The following RTN4R variants were observed in gnomAD, a reference collection of about 807,000 sequenced individuals.
RTN4R encodes the protein reticulon-4 receptor.
RTN4R carries 4 observed loss-of-function variants against 27.7 expected under a neutral mutation model. The observed-to-expected ratio is 0.14, with a 90% CI of 0.07 to 0.33. The LOEUF (loss-of-function observed/expected upper bound fraction) is 0.33. RTN4R is among the 10% of genes least tolerant of loss of function. The probability of loss-of-function intolerance (pLI) is 1.00; values close to 1 mark genes in which losing one functional copy is unlikely to be tolerated. For missense variants in RTN4R, 554 were observed against 671.5 expected, an observed-to-expected ratio of 0.83 and a Z score of 1.93; for synonymous variants, 290 against 305.6, an observed-to-expected ratio of 0.95 and a Z score of 0.53.
In RTN4R at chr22:20,241,518, G is replaced by A. The variant is rs1371536824; in HGVS notation, c.*193C>T. The stretch of plus-strand genomic sequence containing the variant: ...GATCTGGGTGGGAGGCGGCGTTCTG[G>A]AACAAACGCTGCCGCCGAACCCTGT... On this transcript the variant is annotated 3_prime_UTR_variant, in exon 2 of 2. Transcript: ENST00000043402. 1.6e-6 allele frequency: 1 copy of A among 619,354 alleles called. No individual in the cohort carries two copies. The highest frequency in any genetic ancestry group is 2.8e-6 in the Non-Finnish European group (1 of 352,868). 38.4% of individuals were successfully genotyped at this position (619,354 alleles called of 1,614,324 possible).
intron 1 of RTN4R, among the ~76,000 whole-genome samples, chr22:20,254,263 T>C (rs1353174722): frequency 1.3e-5 from 2 of 151,644 alleles, no homozygotes; most frequent in African/African-American, 2.4e-5. Flanking sequence ...ACCCTGTCTC[T>C]ACAAAAAATT....
At chr22:20,266,947 AG>A (rs1446826488) in intron 1 of RTN4R, among the ~76,000 whole-genome samples, 1 of 152,254 alleles carries the variant, frequency 6.6e-6, no homozygotes, top group Non-Finnish European at 1.5e-5. Context: ...GGTGGGGCCC[AG>A]GATGTCTTGC....
rs567820737 is a variant in RTN4R, at chr22:20,246,545, C to T, written c.23-3435G>A. Among the ~76,000 whole-genome samples, 9 of 152,162 alleles carry T rather than the reference C, an allele frequency of 5.9e-5. No homozygotes were observed. The East Asian group carries it at 1.7e-3, about 29-fold the overall frequency. On this transcript the variant is annotated intron_variant, in intron 1 of 1. Coordinates refer to ENST00000043402, the MANE Select transcript of RTN4R (RefSeq NM_023004.6). ...GGCGGTGGGAGGCTCTGGGGATATG[C>T]CCAGCCATTGGGCAGGCAGGCGGCT...
At position 20,259,468 on chromosome 22, in the gene RTN4R, C is replaced by T. The variant is rs571848341; in HGVS notation, c.22+8603G>A. On this transcript the variant is annotated intron_variant, in intron 1 of 1. Transcript: ENST00000043402. The stretch of plus-strand genomic sequence containing the variant: ...GGTGCGCAGGGCCCATGTGTCAGGC[C>T]GAGGGAGCACCAGAGCTGCAGGCAG... Among the ~76,000 whole-genome samples the T allele has an allele frequency of 9.2e-5, 14 of 152,220 alleles. No homozygotes were observed. The East Asian group carries it at 9.7e-4, about 11-fold the overall frequency.
chr22:20,250,005 G>A (rs946223794), intron 1 of RTN4R, among the ~76,000 whole-genome samples: 7 of 152,176 alleles, frequency 4.6e-5, no homozygotes, highest in African/African-American at 1.2e-4. Context: ...GCTGGCCCAC[G>A]GCACATAAGC....
rs1273939696 is a variant in RTN4R at position 20,268,202 on chromosome 22, G to T, written c.-110C>A. ...GCGCCGCCGCTACGGCCCGGCCCCG[G>T]CCCGGCCGCGGGACGAGGCTCGGCG... On this transcript the variant is annotated 5_prime_UTR_variant, in exon 1 of 2. Coordinates refer to ENST00000043402, the MANE Select transcript of RTN4R (RefSeq NM_023004.6). The T allele has an allele frequency of 1.9e-5, 7 of 363,164 alleles. No homozygotes were observed. The highest frequency in any genetic ancestry group is 2.7e-5 in the Non-Finnish European group (7 of 254,930). 22.5% of individuals were successfully genotyped at this position (363,164 alleles called of 1,614,324 possible).
intron 1 of RTN4R, among the ~76,000 whole-genome samples, chr22:20,254,507 T>C (rs538873580): frequency 6.7e-6 from 1 of 149,160 alleles, no homozygotes. Context: ...ACAACAACAC[T>C]GCAACAGCTT....
intron 1 of RTN4R, among the ~76,000 whole-genome samples, chr22:20,257,849 C>T (rs1008176573): frequency 2.0e-5 from 3 of 152,186 alleles, no homozygotes; most frequent in African/African-American, 7.2e-5. Context: ...TGAGCCCCCA[C>T]ACCCCAGGGT....
At position 20,258,450 on chromosome 22, in the gene RTN4R, A is replaced by G. The variant is rs192765946; in HGVS notation, c.22+9621T>C. 3.8e-4 allele frequency among the ~76,000 whole-genome samples: 58 copies of G among 152,336 alleles called. No homozygotes were observed. The East Asian group carries it at 8.9e-3, about 23-fold the overall frequency. ...TGGGAGCCCGGCTGGGTAATGGCCC[A>G]TAAGCTCCTGCCCATGGAGTACTCA... On this transcript the variant is annotated intron_variant, in intron 1 of 1. Coordinates refer to ENST00000043402, the MANE Select transcript of RTN4R (RefSeq NM_023004.6).
At chr22:20,251,416 T>C (rs1197963466) in intron 1 of RTN4R, among the ~76,000 whole-genome samples, 1 of 151,150 alleles carries the variant, frequency 6.6e-6, no homozygotes, top group Non-Finnish European at 1.5e-5. Context: ...TGGATGCTCC[T>C]GCAGACCCAT....
intron 1 of RTN4R, among the ~76,000 whole-genome samples, chr22:20,252,842 G>A (rs771200200): frequency 1.3e-5 from 2 of 152,048 alleles, no homozygotes; most frequent in African/African-American, 2.4e-5. Flanking sequence ...CAGAGAATCT[G>A]CCAGCCCCCT....
Position 20,242,284 on chromosome 22 carries a change from G to T in RTN4R, c.849C>A (p.Ser283=). 6.2e-7 allele frequency: 1 copy of T among 1,600,824 alleles called. No individual in the cohort carries two copies. The highest frequency in any genetic ancestry group is 8.5e-7 in the Non-Finnish European group (1 of 1,174,890). The change falls in exon 2 of 2, where the codon TCC becomes TCA. Residue 283 remains serine, a synonymous_variant. Transcript: ENST00000043402. ...GTTGCGGGAGGCTGCAGGGCACCTCGGAGGAGGAGCCGCGGAACTTCTGCA... is the reference window on the plus strand; with the variant it reads ...GTTGCGGGAGGCTGCAGGGCACCTCTGAGGAGGAGCCGCGGAACTTCTGCA... ...AWLQKFRGSS[S]EVPCSLPQRL... is the part of the protein sequence containing the mutation.
intron 1 of RTN4R, among the ~76,000 whole-genome samples, chr22:20,254,980 T>C (rs1427412680): frequency 6.6e-6 from 1 of 152,196 alleles, no homozygotes; most frequent in Non-Finnish European, 1.5e-5. Context: ...ACACTGGCTG[T>C]GAATTTAACT....
chr22:20,246,654 C>T (rs898395255), intron 1 of RTN4R, among the ~76,000 whole-genome samples: 1 of 152,198 alleles, frequency 6.6e-6, no homozygotes, highest in East Asian at 1.9e-4. Flanking sequence ...GTCCCTGGCC[C>T]CCACTGTTCC....
rs148274245 is a variant in RTN4R, at chr22:20,264,327, C to G, written c.22+3744G>C. 8.6e-4 allele frequency among the ~76,000 whole-genome samples: 131 copies of G among 152,290 alleles called. 1 individual carries two copies. The highest frequency in any genetic ancestry group is 3.2e-3 in the African/African-American group (131 of 41,566). ...GATGTGCAAAATGTTTAAAATACAG[C>G]GATAAAAGAAGAAACGGCAGCACAG... On this transcript the variant is annotated intron_variant, in intron 1 of 1. Coordinates refer to ENST00000043402, the MANE Select transcript of RTN4R (RefSeq NM_023004.6).
rs1382813609 is a variant in RTN4R, at chr22:20,255,064, G to A, written c.23-11954C>T. Among the ~76,000 whole-genome samples the A allele has an allele frequency of 6.6e-6, 1 of 152,180 alleles. No homozygotes were observed. Among genetic ancestry groups the A allele is most frequent in the East Asian group, 1.9e-4 (1 of 5,186 alleles). ...CTGGAGTAGAAGCTGAGGAAATGTG[G>A]CGGCAACCACTGGCAAAGCCAGGGA... is the stretch of plus-strand genomic sequence containing the variant. On this transcript the variant is annotated intron_variant, in intron 1 of 1. Transcript: ENST00000043402. This position sits in a 1 kb window ranked among gnomAD's most constrained non-coding sequence, Gnocchi z 4.8.
chr22:20,254,513 A>G (rs2051201498), intron 1 of RTN4R, among the ~76,000 whole-genome samples: 2 of 150,070 alleles, frequency 1.3e-5, no homozygotes, highest in South Asian at 4.3e-4. Context: ...ACACTGCAAC[A>G]GCTTCATAGC....
In RTN4R at chr22:20,255,920, C is replaced by T. The variant is rs2051209672; in HGVS notation, c.22+12151G>A. 1.3e-5 allele frequency among the ~76,000 whole-genome samples: 2 copies of T among 152,248 alleles called. No individual in the cohort carries two copies. Among genetic ancestry groups the T allele is most frequent in the East Asian group, 1.9e-4 (1 of 5,194 alleles). On this transcript the variant is annotated intron_variant, in intron 1 of 1. Coordinates refer to ENST00000043402, the MANE Select transcript of RTN4R (RefSeq NM_023004.6). The surrounding 1 kb of genome is among the most constrained non-coding windows in gnomAD (Gnocchi z 4.8). ...CTCCACAACCAAACCGAGGCACGCA[C>T]GCAGCGGCGACGTGAATAAGTAATT...
In RTN4R at chr22:20,241,549, T is replaced by G; in HGVS notation, c.*162A>C. The G allele has an allele frequency of 1.4e-6, 1 of 713,836 alleles. No individual in the cohort carries two copies. The highest frequency in any genetic ancestry group is 2.3e-6 in the Non-Finnish European group (1 of 427,188). 44.2% of individuals were successfully genotyped at this position (713,836 alleles called of 1,614,324 possible). On this transcript the variant is annotated 3_prime_UTR_variant, in exon 2 of 2. Transcript: ENST00000043402. ...ACGCTGCCGCCGAACCCTGTAAACA[T>G]GATGGGGTGGAGATGGGGGTGGCGG...
Sources: allele counts gnomAD v4.1 joint callset (sites outside exome capture counted in the v4.1 genomes callset), GRCh38; gene constraint gnomAD v4.1.1; non-coding constraint Gnocchi (gnomAD v3.1); transcripts MANE v1.5; gene names NCBI Gene and HGNC (gene_info 2026-07-23, HGNC 2026-07-21).